Variants in COG7 observed in about 807,000 individuals in gnomAD.
COG7 encodes the protein component of oligomeric golgi complex 7.
In COG7, 49 loss-of-function variants were observed where a neutral mutation model predicts 91.5. The observed-to-expected ratio is 0.54, with a 90% CI of 0.43 to 0.68. The LOEUF (loss-of-function observed/expected upper bound fraction) is 0.68, where lower values mean the gene tolerates loss of function less well. Ranked by LOEUF, COG7 falls within the 30% of genes least tolerant of loss-of-function variation. COG7 has a pLI of 0.00. For synonymous variants in COG7, 365 were observed against 388.7 expected, an observed-to-expected ratio of 0.94 and a Z score of 0.72; for missense variants, 895 against 961.3, an observed-to-expected ratio of 0.93 and a Z score of 0.91.
At chr16:23,411,732 A>C (rs1448513268) in intron 10 of COG7, among the ~76,000 whole-genome samples, 1 of 152,184 alleles carries the variant, frequency 6.6e-6, no homozygotes, top group Non-Finnish European at 1.5e-5. Context: ...CTGCTCTGGC[A>C]TGGGCCACCG....
intron 13 of COG7, among the ~76,000 whole-genome samples, chr16:23,398,883 G>A (rs1963328401): frequency 6.6e-6 from 1 of 152,116 alleles, no homozygotes; most frequent in Non-Finnish European, 1.5e-5. Context: ...TGTTGTTGTG[G>A]AAGCCTTCCC....
At chr16:23,428,341 T>A (rs1567341607) in intron 6 of COG7, among the ~76,000 whole-genome samples, 2 of 151,708 alleles carry the variant, frequency 1.3e-5, no homozygotes, top group African/African-American at 4.8e-5. Context: ...AGAGCAAGAC[T>A]CTGTCTCAAA....
In COG7 at chr16:23,445,172, A is replaced by C. The variant is rs1964161802; in HGVS notation, c.319-8T>G. 1 of 1,598,694 alleles carries C rather than the reference A, an allele frequency of 6.3e-7. No homozygotes were observed. The highest frequency in any genetic ancestry group is 1.3e-5 in the African/African-American group (1 of 74,592). On this transcript the variant is annotated splice_region_variant and splice_polypyrimidine_tract_variant and intron_variant, in intron 2 of 16. Transcript: ENST00000307149. ...GTCAATTTCTACCAACACCTGAAAG[A>C]GGCGTGAGGGGTGAAAAATGAAGGG...
chr16:23,405,691 A>G (rs1963449719), intron 12 of COG7, among the ~76,000 whole-genome samples: 1 of 151,724 alleles, frequency 6.6e-6, no homozygotes, highest in Non-Finnish European at 1.5e-5. Context: ...TAATTTTTGT[A>G]TTTTTAGTAG....
At chr16:23,422,415 G>C (rs992715808) in intron 7 of COG7, among the ~76,000 whole-genome samples, 3 of 150,548 alleles carry the variant, frequency 2.0e-5, no homozygotes, top group Non-Finnish European at 4.4e-5. Flanking sequence ...TTCAAAAAAT[G>C]AAAATATAAG....
intron 1 of COG7, chr16:23,447,224 T>C (rs1964196042): frequency 1.3e-5 from 2 of 151,706 alleles, no homozygotes; most frequent in Admixed American, 1.3e-4. Context: ...TATTTATTTA[T>C]TTATTGAGAC....
At position 23,390,582 on chromosome 16, in the gene COG7, TTTCC is replaced by T. The variant is rs1963178489; in HGVS notation, c.2147-1500_2147-1497del. Among the ~76,000 whole-genome samples the T allele has an allele frequency of 3.3e-5, 5 of 152,124 alleles. No individual in the cohort carries two copies. In the East Asian group the frequency reaches 9.7e-4, roughly 30 times the overall value. The stretch of plus-strand genomic sequence containing the variant: ...GTGGAGCTCCAGGCAAGGCCTCAAC[TTTCC>T]TTGTGTTTTTTGTTTTGTTTTGTTT... On this transcript the variant is annotated intron_variant, in intron 16 of 16. Coordinates refer to ENST00000307149, the MANE Select transcript of COG7 (RefSeq NM_153603.4).
At chr16:23,450,154 G>A (rs1011636030) in intron 1 of COG7, among the ~76,000 whole-genome samples, 4 of 151,906 alleles carry the variant, frequency 2.6e-5, no homozygotes, top group African/African-American at 4.8e-5. Flanking sequence ...AGGCTGGTCT[G>A]GAACTCCTGA....
intron 3 of COG7, among the ~76,000 whole-genome samples, chr16:23,443,067 T>C (rs1338943379): frequency 6.6e-6 from 1 of 151,200 alleles, no homozygotes; most frequent in African/African-American, 2.4e-5. Flanking sequence ...CTCAAATAAA[T>C]GCAAATTAAA....
At chr16:23,416,706 T>TA in intron 9 of COG7, 2 of 528,386 alleles carry the variant, frequency 3.8e-6, no homozygotes, top group Non-Finnish European at 6.8e-6. Flanking sequence ...TTTCTTAACA[T>TA]ACTTTAACTG....
intron 6 of COG7, among the ~76,000 whole-genome samples, chr16:23,431,158 G>A (rs935487457): frequency 5.3e-5 from 8 of 152,134 alleles, no homozygotes; most frequent in Non-Finnish European, 8.8e-5. Context: ...GTGGCTACAT[G>A]GGTATTCACT....
intron 6 of COG7, among the ~76,000 whole-genome samples, chr16:23,429,517 C>A (rs1963900975): frequency 6.6e-6 from 1 of 151,808 alleles, no homozygotes; most frequent in Non-Finnish European, 1.5e-5. Flanking sequence ...AATCCCAGCA[C>A]CTTTGGGAGG....
chr16:23,446,025 A>C (rs1596958467), intron 1 of COG7, 64 bp from the exon 2 acceptor site: 2 of 1,552,706 alleles, frequency 1.3e-6, no homozygotes, highest in Non-Finnish European at 8.8e-7. Flanking sequence ...TGAAAGTTGG[A>C]CCAGCCACCA....
chr16:23,404,678 G>A (rs1963430936), intron 12 of COG7, among the ~76,000 whole-genome samples: 1 of 152,208 alleles, frequency 6.6e-6, no homozygotes, highest in African/African-American at 2.4e-5. Flanking sequence ...CCAGCACTTT[G>A]GGAGGCTGAG....
At chr16:23,448,888 T>C (rs1964221494) in intron 1 of COG7, among the ~76,000 whole-genome samples, 1 of 152,222 alleles carries the variant, frequency 6.6e-6, no homozygotes, top group Admixed American at 6.5e-5. Flanking sequence ...TAAGGATAAC[T>C]GTCAGGTTTA....
chr16:23,412,499 C>A (rs1963580047), intron 10 of COG7: 1 of 152,268 alleles, frequency 6.6e-6, no homozygotes, highest in Non-Finnish European at 1.5e-5. Flanking sequence ...CATAGGCCAA[C>A]AGTCCATGCT....
intron 4 of COG7, among the ~76,000 whole-genome samples, chr16:23,435,294 G>A (rs1341106866): frequency 6.6e-6 from 1 of 152,092 alleles, no homozygotes; most frequent in Non-Finnish European, 1.5e-5. Context: ...TTGAACCCGG[G>A]AGGCAGAGGT....
chr16:23,395,839 G>A (rs1386912439), intron 14 of COG7, among the ~76,000 whole-genome samples: 4 of 152,214 alleles, frequency 2.6e-5, no homozygotes, highest in South Asian at 2.1e-4. Flanking sequence ...AAAGTTTTGA[G>A]GTCAGACAGA....
In COG7 at chr16:23,413,441, G is replaced by T; in HGVS notation, c.1409+7C>A. 1.5e-6 allele frequency: 2 copies of T among 1,371,332 alleles called. No homozygotes were observed. The highest frequency in any genetic ancestry group is 1.7e-5 in the Admixed American group (1 of 59,750). 84.9% of individuals were successfully genotyped at this position (1,371,332 alleles called of 1,614,324 possible). On this transcript the variant is annotated splice_region_variant and intron_variant, in intron 10 of 16. Transcript: ENST00000307149. ...GGAACAAGCTTGAATTACAACCCCCGGTTTACCTAATGGAGTTCTGAAAAG... is the reference window on the plus strand; with the variant it reads ...GGAACAAGCTTGAATTACAACCCCCTGTTTACCTAATGGAGTTCTGAAAAG...
Sources: allele counts gnomAD v4.1 joint callset (sites outside exome capture counted in the v4.1 genomes callset), GRCh38; gene constraint gnomAD v4.1.1; transcripts MANE v1.5; gene names NCBI Gene and HGNC (gene_info 2026-07-23, HGNC 2026-07-21).